Variants in MED12L observed in about 807,000 individuals in gnomAD.
The protein encoded by MED12L is mediator complex subunit 12L.
In MED12L, 60 loss-of-function variants were observed where a neutral mutation model predicts 281.3. The observed-to-expected ratio is 0.21, with a 90% CI of 0.17 to 0.26. The LOEUF is 0.26. Among genes scored for constraint, MED12L ranks in the 10% least tolerant of loss-of-function variants. The pLI is 1.00. For missense variants in MED12L, 2,146 were observed against 2,680.9 expected, an observed-to-expected ratio of 0.80 and a Z score of 4.41; for synonymous variants, 974 against 987.2, an observed-to-expected ratio of 0.99 and a Z score of 0.25.
At chr3:151,134,979 C>G (rs1240770907) in intron 5 of MED12L, among the ~76,000 whole-genome samples, 1 of 152,094 alleles carries the variant, frequency 6.6e-6, no homozygotes, top group African/African-American at 2.4e-5. Flanking sequence ...GACTCTTTCC[C>G]TCAGTTTCTT....
At chr3:151,305,651 A>G (rs937333434) in intron 16 of MED12L, among the ~76,000 whole-genome samples, 1 of 152,086 alleles carries the variant, frequency 6.6e-6, no homozygotes, top group African/African-American at 2.4e-5. Flanking sequence ...TTCATATCAA[A>G]TACAATAGAA....
chr3:151,373,409 A>G (rs1418435066), intron 27 of MED12L, among the ~76,000 whole-genome samples: 1 of 152,138 alleles, frequency 6.6e-6, no homozygotes, highest in East Asian at 1.9e-4. Context: ...CTGTGTAGTT[A>G]CTAATTTTCC....
intron 21 of MED12L, among the ~76,000 whole-genome samples, chr3:151,362,232 T>TA (rs1197730111): frequency 1.3e-5 from 2 of 151,982 alleles, no homozygotes; most frequent in Admixed American, 1.3e-4. Flanking sequence ...CAACATCCAC[T>TA]AAAGTGATCC....
At chr3:151,432,357 C>T (rs901088919) in intron 44 of MED12L, among the ~76,000 whole-genome samples, 16 of 152,206 alleles carry the variant, frequency 1.1e-4, no homozygotes, top group African/African-American at 3.6e-4. Flanking sequence ...TGCCCAGTTC[C>T]AATCTAATTT....
At chr3:151,368,689 TATTTCATTTCATTTC>T (rs1175917645) in intron 25 of MED12L, among the ~76,000 whole-genome samples, 709 of 41,208 alleles carry the variant, frequency 0.017, 11 homozygotes, top group South Asian at 0.092. Flanking sequence ...CATTTCATTT[TATTTCATTTCATTTC>T]ATTTCATTTC....
At chr3:151,140,940 T>C (rs1425874034) in intron 5 of MED12L, among the ~76,000 whole-genome samples, 1 of 152,156 alleles carries the variant, frequency 6.6e-6, no homozygotes, top group Non-Finnish European at 1.5e-5. Context: ...CGATCTCGGC[T>C]CACTGCAAAC....
At chr3:151,165,594 T>C in intron 10 of MED12L, 75 bp downstream of exon 10, 1 of 1,293,990 alleles carries the variant, frequency 7.7e-7, no homozygotes, top group Non-Finnish European at 1.1e-6. Flanking sequence ...TTATAAACCA[T>C]TCCACATGAA....
rs199892582 is a variant in MED12L, at chr3:151,293,638, TACACACACACAC to T, written c.2251-56392_2251-56381del. ...ACACACGGTCCTAAAATGAAGCCCT[TACACACACACAC>T]ACACACACACACACACACACACACA... On this transcript the variant is annotated intron_variant, in intron 16 of 44. Transcript: ENST00000687756. 7.4e-3 allele frequency among the ~76,000 whole-genome samples: 742 copies of T among 99,728 alleles called. 9 individuals are homozygous for T. Among genetic ancestry groups the T allele is most frequent in the East Asian group, 0.064 (221 of 3,476 alleles). 65.4% of individuals were successfully genotyped at this position (99,728 alleles called of 152,430 possible).
chr3:151,187,535 A>C (rs1723442667), intron 12 of MED12L, among the ~76,000 whole-genome samples: 1 of 152,220 alleles, frequency 6.6e-6, no homozygotes, highest in African/African-American at 2.4e-5. Context: ...TGATATTCTT[A>C]ACATAATTAG....
chr3:151,260,963 GATGGTGTGGATGTGT>G (rs557092560), intron 16 of MED12L, among the ~76,000 whole-genome samples: 287 of 152,170 alleles, frequency 1.9e-3, no homozygotes, highest in Admixed American at 2.6e-3. Context: ...TGATTTCCTT[GATGGTGTGGATGTGT>G]ATGGTGTCTT....
rs200658322 is a variant in MED12L, at chr3:151,282,368, G to A, written c.2251-67691G>A. 1.0e-4 allele frequency among the ~76,000 whole-genome samples: 14 copies of A among 139,464 alleles called. No individual in the cohort carries two copies. The South Asian group carries it at 3.0e-3, about 29-fold the overall frequency. The allele number at this position is 139,464 out of a possible 152,430, so 91.5% of individuals were successfully genotyped here. On this transcript the variant is annotated intron_variant, in intron 16 of 44. Coordinates refer to ENST00000687756, the MANE Select transcript of MED12L (RefSeq NM_001393769.1). ...ATTTAGTTTTTTTTTGTTTTTTTTT[G>A]TTTGTTTGTTTGTTTTGCTGGCAAG...
At chr3:151,427,881 T>A (rs1452661271) in intron 43 of MED12L, among the ~76,000 whole-genome samples, 1 of 152,214 alleles carries the variant, frequency 6.6e-6, no homozygotes, top group African/African-American at 2.4e-5. Flanking sequence ...CACAGTGAAA[T>A]AAGTCTGCAA....
At chr3:151,185,552 T>C in intron 12 of MED12L, 91 bp downstream of exon 12, 1 of 1,383,690 alleles carries the variant, frequency 7.2e-7, no homozygotes, top group Non-Finnish European at 9.7e-7. Context: ...CATTATGTTA[T>C]TCTTTTGCTC....
intron 20 of MED12L, among the ~76,000 whole-genome samples, chr3:151,358,426 A>G (rs1754200543): frequency 6.6e-6 from 1 of 152,170 alleles, no homozygotes; most frequent in Non-Finnish European, 1.5e-5. Flanking sequence ...CACATAGCTA[A>G]TAAATCTCAC....
At chr3:151,281,559 G>A (rs1246872170) in intron 16 of MED12L, among the ~76,000 whole-genome samples, 1 of 152,170 alleles carries the variant, frequency 6.6e-6, no homozygotes, top group Admixed American at 6.5e-5. Flanking sequence ...GTCCTTGTGT[G>A]CAAGAATCTT....
chr3:151,177,361 A>G (rs1490811852), intron 11 of MED12L, among the ~76,000 whole-genome samples: 1 of 152,172 alleles, frequency 6.6e-6, no homozygotes, highest in Non-Finnish European at 1.5e-5. Flanking sequence ...TGGAATTAGG[A>G]CAGCCTAGTG....
At chr3:151,431,217 C>G in intron 44 of MED12L, among the ~76,000 whole-genome samples, 1 of 152,182 alleles carries the variant, frequency 6.6e-6, no homozygotes, top group East Asian at 1.9e-4. Flanking sequence ...GTGAGACTAG[C>G]AGTTTCTTCT....
At chr3:151,088,012 T>G (rs919654609) in intron 2 of MED12L, among the ~76,000 whole-genome samples, 1 of 152,104 alleles carries the variant, frequency 6.6e-6, no homozygotes, top group African/African-American at 2.4e-5. Flanking sequence ...TTTCTGAGAA[T>G]CTAAAAACCC....
chr3:151,411,116 C>A (rs1002830603), intron 40 of MED12L, among the ~76,000 whole-genome samples, 162 bp from the exon 41 acceptor site: 6 of 152,318 alleles, frequency 3.9e-5, no homozygotes, highest in Admixed American at 1.3e-4. Context: ...ATATTCCCTG[C>A]ATCCAGGGTA....
Sources: allele counts gnomAD v4.1 joint callset (sites outside exome capture counted in the v4.1 genomes callset), GRCh38; gene constraint gnomAD v4.1.1; transcripts MANE v1.5; gene names NCBI Gene and HGNC (gene_info 2026-07-23, HGNC 2026-07-21).